Variants in WRAP53 observed in about 807,000 individuals in gnomAD.
The protein encoded by WRAP53 is WD repeat containing antisense to TP53.
Under a neutral mutation model 56.6 loss-of-function variants are expected in WRAP53, and 28 were observed. The ratio of observed to expected loss-of-function variants is 0.50; its 90% CI spans 0.37 to 0.68. The LOEUF (loss-of-function observed/expected upper bound fraction) is 0.68, where lower values mean the gene tolerates loss of function less well. Among genes scored for constraint, WRAP53 ranks in the 30% least tolerant of loss-of-function variants. WRAP53 has a pLI of 0.00. For missense variants in WRAP53, 671 were observed against 715.5 expected (o/e 0.94, Z 0.71); for synonymous variants, 283 against 283.4 (o/e 1.00, Z 0.01).
Position 7,702,331 on chromosome 17 carries a change from CT to C in WRAP53, c.956-11del, listed in dbSNP as rs1567580038. 1 of 1,614,122 alleles carries C rather than the reference CT, an allele frequency of 6.2e-7. No individual in the cohort carries two copies. The highest frequency in any genetic ancestry group is 8.5e-7 in the Non-Finnish European group (1 of 1,179,988). On this transcript the variant is annotated splice_polypyrimidine_tract_variant and intron_variant, in intron 7 of 10. Transcript: ENST00000396463. This position sits in a 1 kb window ranked among gnomAD's most constrained non-coding sequence, Gnocchi z 5.0. ...CATTGCCCCCTCCCCCACTTTGTTCCTTCCCTCTCTAGCAAAAAAGCAGGGC... is the reference window on the plus strand; with the variant it reads ...CATTGCCCCCTCCCCCACTTTGTTCCTCCCTCTCTAGCAAAAAAGCAGGGC...
chr17:7,693,965 G>A (rs1305970633), intron 4 of WRAP53, among the ~76,000 whole-genome samples: 1 of 151,964 alleles, frequency 6.6e-6, no homozygotes, highest in Admixed American at 6.6e-5. Flanking sequence ...TTTTGATGAA[G>A]CTGAATAAAT....
At chr17:7,686,121 C>G (rs899881896), upstream of WRAP53, 2 of 152,226 alleles carry the variant, frequency 1.3e-5, no homozygotes, top group African/African-American at 4.8e-5. Context: ...GGCCGGAGGG[C>G]TGCACGGAGG....
intron 10 of WRAP53, 37 bp downstream of exon 10, chr17:7,703,164 T>A: frequency 2.5e-6 from 4 of 1,613,758 alleles, no homozygotes; most frequent in Non-Finnish European, 3.4e-6. Context: ...GGGGCTTGGG[T>A]TGGGGAGGGA....
intron 4 of WRAP53, among the ~76,000 whole-genome samples, chr17:7,699,496 ATATATT>A (rs1445149270): frequency 2.3e-3 from 28 of 12,174 alleles, no homozygotes; most frequent in East Asian, 0.017. Context: ...ATATATATAT[ATATATT>A]TATATATATA....
chr17:7,700,496 A>C (rs1300301137), intron 4 of WRAP53, among the ~76,000 whole-genome samples: 1 of 151,514 alleles, frequency 6.6e-6, no homozygotes, highest in Admixed American at 6.6e-5. Context: ...AAAAAAAAAA[A>C]CAAAAACAAA....
At chr17:7,693,513 A>T (rs1264195932) in intron 4 of WRAP53, among the ~76,000 whole-genome samples, 4 of 151,626 alleles carry the variant, frequency 2.6e-5, no homozygotes, top group African/African-American at 9.7e-5. Flanking sequence ...GAGGTCAGGA[A>T]TTCAAGACCG....
chr17:7,693,184 C>CTTT (rs60578072), intron 4 of WRAP53, among the ~76,000 whole-genome samples: 2 of 147,382 alleles, frequency 1.4e-5, no homozygotes, highest in African/African-American at 2.6e-5. Context: ...TCTTTTTTTT[C>CTTT]TTTTTTTTGA....
chr17:7,702,013 A>G lies in WRAP53; in HGVS notation c.955+224A>G. On this transcript the variant is annotated intron_variant, in intron 7 of 10. Coordinates refer to ENST00000396463, the MANE Select transcript of WRAP53 (RefSeq NM_001143992.2). This position sits in a 1 kb window ranked among gnomAD's most constrained non-coding sequence, Gnocchi z 5.0. ...AAAGGACTGCTTCCTTCCTGAACTC[A>G]TACCCTGTCAGCTGTGGAGCTTTTG... The G allele has an allele frequency of 1.3e-6, 1 of 770,156 alleles. No individual in the cohort carries two copies. Among genetic ancestry groups the G allele is most frequent in the South Asian group, 1.5e-5 (1 of 68,096 alleles). The allele number at this position is 770,156 out of a possible 1,614,324, so 47.7% of individuals were successfully genotyped here.
chr17:7,695,358 G>C (rs1170784623), intron 4 of WRAP53, among the ~76,000 whole-genome samples: 1 of 151,968 alleles, frequency 6.6e-6, no homozygotes, highest in South Asian at 2.1e-4. Flanking sequence ...ATAGTTTCTC[G>C]GGTTTTCTCC....
At chr17:7,696,399 C>T (rs1290891691) in intron 4 of WRAP53, among the ~76,000 whole-genome samples, 4 of 147,316 alleles carry the variant, frequency 2.7e-5, no homozygotes, top group East Asian at 2.1e-4. Flanking sequence ...CCCAGGTTCA[C>T]GCCATTCTCC....
chr17:7,694,452 A>G (rs922382689), intron 4 of WRAP53, among the ~76,000 whole-genome samples: 53 of 152,168 alleles, frequency 3.5e-4, no homozygotes, highest in African/African-American at 1.3e-3. Flanking sequence ...CAAGTTGGCC[A>G]GGCTGGTCTC....
Position 7,688,833 on chromosome 17 carries a change from C to G in WRAP53, c.185C>G (p.Ala62Gly). The stretch of plus-strand genomic sequence containing the variant: ...TCCCCAGATCCTGTGGCTGGCTCAG[C>G]TGTGTCCCAGGAGCTACGGGAGGGG... ...RLSPDPVAGS[A>G]VSQELREGDP... The change falls in exon 2 of 11, where the codon GCT becomes GGT. Residue 62 changes from alanine (A) to glycine (G), a missense_variant. This residue lies in a region of WRAP53 where 406 missense variants were observed against 418.5 expected (regional missense o/e 0.97). Coordinates refer to ENST00000396463, the MANE Select transcript of WRAP53 (RefSeq NM_001143992.2). The G allele has an allele frequency of 6.2e-7, 1 of 1,614,216 alleles. No individual in the cohort carries two copies. Among genetic ancestry groups the G allele is most frequent in the Non-Finnish European group, 8.5e-7 (1 of 1,180,042 alleles).
In WRAP53 at chr17:7,703,396, T is replaced by TG. The variant is rs755116516; in HGVS notation, c.1564dup (p.Ala522GlyfsTer8). ...AATGTCGGCTTCAGCTCTGGTGGTG[T>TG]GGGGGGGCGCCAGACTCCAGCATCC... On this transcript the variant is annotated frameshift_variant, in exon 11 of 11. Transcript: ENST00000396463. LOFTEE classifies it low-confidence loss of function (END_TRUNC). 8.8e-4 allele frequency: 1,418 copies of TG among 1,606,146 alleles called. 2 individuals are homozygous for TG. The highest frequency in any genetic ancestry group is 9.9e-4 in the South Asian group (90 of 90,578).
In WRAP53 at chr17:7,702,832, C is replaced by T; in HGVS notation, c.1254C>T (p.Tyr418=). The change falls in exon 9 of 11, where the codon TAC becomes TAT. Residue 418 remains tyrosine, a synonymous_variant. Coordinates refer to ENST00000396463, the MANE Select transcript of WRAP53 (RefSeq NM_001143992.2). This position sits in a 1 kb window ranked among gnomAD's most constrained non-coding sequence, Gnocchi z 5.0. ...AGGTGACCACCAATCAGCGCATCTA[C>T]TTCGATCTGGACCCGTGAGTGGCTG... ...GREVTTNQRI[Y]FDLDPTGQFL... The T allele has an allele frequency of 1.2e-6, 2 of 1,613,972 alleles. No homozygotes were observed. Among genetic ancestry groups the T allele is most frequent in the African/African-American group, 1.3e-5 (1 of 75,016 alleles).
In WRAP53 at chr17:7,688,672, G is replaced by T. The variant is rs549679591; in HGVS notation, c.24G>T (p.Pro8=). 3 of 1,614,056 alleles carry T rather than the reference G, an allele frequency of 1.9e-6. No individual in the cohort carries two copies. Among genetic ancestry groups the T allele is most frequent in the Non-Finnish European group, 2.5e-6 (3 of 1,180,044 alleles). MKTLETQ[P]LAPDCCPSDQ... ...GTATGAAGACTTTGGAGACTCAACCGTTAGCTCCGGACTGCTGTCCTTCAG... is the reference window on the plus strand; with the variant it reads ...GTATGAAGACTTTGGAGACTCAACCTTTAGCTCCGGACTGCTGTCCTTCAG... Residue 8 remains proline, a synonymous_variant, in exon 2 of 11, where the codon CCG becomes CCT. Transcript: ENST00000396463.
In WRAP53 at chr17:7,690,239, G is replaced by T. The variant is rs534872180; in HGVS notation, c.642+538G>T. On this transcript the variant is annotated intron_variant, in intron 4 of 10. Transcript: ENST00000396463. ...GCGGGGATCACAGGTGTGAGTCACC[G>T]TGCCTGGCTTATAGCTATTTATTGA... Among the ~76,000 whole-genome samples, 7 of 152,338 alleles carry T rather than the reference G, an allele frequency of 4.6e-5. No homozygotes were observed. The East Asian group carries it at 9.6e-4, about 21-fold the overall frequency.
chr17:7,687,669 A>T (rs965141713), upstream of WRAP53: 2 of 398,454 alleles, frequency 5.0e-6, no homozygotes, highest in Non-Finnish European at 8.8e-6. Context: ...CAGAGTCAGG[A>T]TTCTCGCCGA....
chr17:7,697,962 G>C (rs911685988), intron 4 of WRAP53, among the ~76,000 whole-genome samples: 1 of 151,570 alleles, frequency 6.6e-6, no homozygotes, highest in Admixed American at 6.6e-5. Flanking sequence ...CAAACTCCTG[G>C]GGTCAAGCAG....
At chr17:7,694,589 T>C (rs1236269771) in intron 4 of WRAP53, among the ~76,000 whole-genome samples, 1 of 152,200 alleles carries the variant, frequency 6.6e-6, no homozygotes, top group East Asian at 1.9e-4. Context: ...TGGTGGCTCA[T>C]GCCTATAATC....
Sources: gnomAD v4.1 joint callset for allele counts (sites outside exome capture counted in the v4.1 genomes callset) on GRCh38, gnomAD v4.1.1 for gene constraint, gnomAD v4.1.1 regional missense constraint, Gnocchi (gnomAD v3.1) non-coding constraint, MANE v1.5 for transcripts, NCBI Gene and HGNC (gene_info 2026-07-23, HGNC 2026-07-21) for gene names.